The following ACOX3 variants were observed in gnomAD, a reference collection of about 807,000 sequenced individuals.
The protein encoded by ACOX3 is acyl-CoA oxidase 3, pristanoyl.
In ACOX3, 73 loss-of-function variants were observed where a neutral mutation model predicts 81.5. That is an observed-to-expected ratio of 0.90 (90% confidence interval 0.74 to 1.09). The LOEUF (loss-of-function observed/expected upper bound fraction) is 1.09, where lower values mean the gene tolerates loss of function less well. ACOX3 is among the 50% of genes least tolerant of loss of function. The pLI is 0.00. For missense variants in ACOX3, 947 were observed against 928.0 expected (o/e 1.02, Z -0.27); for synonymous variants, 387 against 375.1 (o/e 1.03, Z -0.37).
Position 8,440,672 on chromosome 4 carries a change from T to G in ACOX3, c.-39A>C, listed in dbSNP as rs760762357. The G allele has an allele frequency of 9.8e-7, 1 of 1,019,224 alleles. No individual in the cohort carries two copies. The highest frequency in any genetic ancestry group is 1.3e-6 in the Non-Finnish European group (1 of 743,122). The allele number at this position is 1,019,224 out of a possible 1,614,324, so 63.1% of individuals were successfully genotyped here. A position where few individuals can be genotyped will look rare whatever the true frequency, so the allele number is the denominator to read the frequency against. ...CCCACACACTCCACAGTTCAACCCC[T>G]GCCAGGGAAACCAAAAGCAGGAAAG... On this transcript the variant is annotated 5_prime_UTR_variant, in exon 1 of 18. Transcript: ENST00000356406.
In ACOX3 at chr4:8,387,609, A is replaced by G. The variant is rs757835850; in HGVS notation, c.1537+1564T>C. Among the ~76,000 whole-genome samples, 65 of 152,220 alleles carry G rather than the reference A, an allele frequency of 4.3e-4. 1 individual carries two copies. The highest frequency in any genetic ancestry group is 7.8e-4 in the Non-Finnish European group (53 of 68,042). ...TGTTCTCTGTGATACGCGGCTTTACAGACGGGGGCTGTGGTGGGAGGAAGG... is the reference window on the plus strand; with the variant it reads ...TGTTCTCTGTGATACGCGGCTTTACGGACGGGGGCTGTGGTGGGAGGAAGG... On this transcript the variant is annotated intron_variant, in intron 13 of 17. Coordinates refer to ENST00000356406, the MANE Select transcript of ACOX3 (RefSeq NM_003501.3).
chr4:8,398,221 T>C (rs1408143855), intron 8 of ACOX3, among the ~76,000 whole-genome samples: 3 of 152,280 alleles, frequency 2.0e-5, no homozygotes, highest in South Asian at 4.1e-4. Context: ...GTATAAAATA[T>C]GATTCCACTG....
At chr4:8,358,740 T>C in the ACOX3 span, among the ~76,000 whole-genome samples, 2 of 152,186 alleles carry the variant, frequency 1.3e-5, no homozygotes, top group African/African-American at 4.8e-5. Flanking sequence ...GCAGGTGCCA[T>C]GGCAACGTCA....
chr4:8,414,790 A>G lies in ACOX3; in HGVS notation c.453+64T>C. ...CCCCCTTCTACAATCTTCTCTTTTC[A>G]CAAATCTCTACAGAGATCAAGCAAG... On this transcript the variant is annotated intron_variant, in intron 4 of 17. Transcript: ENST00000356406. The surrounding 1 kb of genome is among the most constrained non-coding windows in gnomAD (Gnocchi z 6.1). The G allele has an allele frequency of 3.9e-6, 6 of 1,529,858 alleles. No homozygotes were observed. Among genetic ancestry groups the G allele is most frequent in the Non-Finnish European group, 5.4e-6 (6 of 1,103,826 alleles). 94.8% of individuals were successfully genotyped at this position (1,529,858 alleles called of 1,614,324 possible). A position where few individuals can be genotyped will look rare whatever the true frequency, so the allele number is the denominator to read the frequency against.
rs1285573833 is a variant in ACOX3 at position 8,394,478 on chromosome 4, C to T, written c.1179+142G>A. 49 of 1,330,850 alleles carry T rather than the reference C, an allele frequency of 3.7e-5. No individual in the cohort carries two copies. Among genetic ancestry groups the T allele is most frequent in the South Asian group, 1.2e-4 (8 of 67,980 alleles). The allele number at this position is 1,330,850 out of a possible 1,614,324, so 82.4% of individuals were successfully genotyped here. ...CAATCGCGGCAGAGGCCAAGAGCTC[C>T]GAGTGGGTGGGAACAACTGGAGGAA... On this transcript the variant is annotated intron_variant, in intron 10 of 17. Coordinates refer to ENST00000356406, the MANE Select transcript of ACOX3 (RefSeq NM_003501.3). The surrounding 1 kb of genome is among the most constrained non-coding windows in gnomAD (Gnocchi z 5.9).
At chr4:8,411,550 C>T (rs940659371) in intron 5 of ACOX3, among the ~76,000 whole-genome samples, 5 of 152,328 alleles carry the variant, frequency 3.3e-5, no homozygotes, top group East Asian at 1.9e-4. Context: ...TTCTTCAGCA[C>T]GCGGCAGTTC....
At chr4:8,393,661 G>A (rs1312605420) in intron 10 of ACOX3, among the ~76,000 whole-genome samples, 4 of 138,752 alleles carry the variant, frequency 2.9e-5, no homozygotes, top group African/African-American at 5.9e-5. Context: ...ACACACACAC[G>A]CATGCTAAGT....
chr4:8,376,751 C>T (rs1260348547), intron 14 of ACOX3, among the ~76,000 whole-genome samples: 1 of 152,194 alleles, frequency 6.6e-6, no homozygotes, highest in African/African-American at 2.4e-5. Context: ...CTGCCCTCTT[C>T]TGATCTCACA....
intron 14 of ACOX3, 150 bp from the exon 15 acceptor site, chr4:8,375,302 C>T (rs1437891899): frequency 5.3e-6 from 4 of 756,178 alleles, no homozygotes; most frequent in African/African-American, 1.8e-5. Flanking sequence ...AGCACAGATG[C>T]GGCGCAGCAC....
Position 8,389,839 on chromosome 4 carries a change from T to C in ACOX3, c.1301-105A>G. Reference sequence around the variant, plus strand: ...GCCTTAAGAGGCTGGGTGCGGTGGCTCACACCTGTAATGGCAGCACTTTGG... The same window carrying C: ...GCCTTAAGAGGCTGGGTGCGGTGGCCCACACCTGTAATGGCAGCACTTTGG... On this transcript the variant is annotated intron_variant, in intron 11 of 17. Transcript: ENST00000356406. This position sits in a 1 kb window ranked among gnomAD's most constrained non-coding sequence, Gnocchi z 5.3. 6.8e-7 allele frequency: 1 copy of C among 1,475,478 alleles called. No homozygotes were observed. The highest frequency in any genetic ancestry group is 9.2e-7 in the Non-Finnish European group (1 of 1,085,706). The allele number at this position is 1,475,478 out of a possible 1,614,324, so 91.4% of individuals were successfully genotyped here.
At chr4:8,420,623 G>A (rs185225668) in intron 1 of ACOX3, among the ~76,000 whole-genome samples, 2 of 152,322 alleles carry the variant, frequency 1.3e-5, no homozygotes, top group Non-Finnish European at 2.9e-5. Context: ...AGCCAGATCA[G>A]GCAACGCCCT....
Position 8,385,082 on chromosome 4 carries a change from G to T in ACOX3, c.1538-3475C>A, listed in dbSNP as rs141364980. Among the ~76,000 whole-genome samples, 33 of 152,180 alleles carry T rather than the reference G, an allele frequency of 2.2e-4. No individual in the cohort carries two copies. The East Asian group carries it at 6.2e-3, about 29-fold the overall frequency. On this transcript the variant is annotated intron_variant, in intron 13 of 17. Coordinates refer to ENST00000356406, the MANE Select transcript of ACOX3 (RefSeq NM_003501.3). This position sits in a 1 kb window ranked among gnomAD's most constrained non-coding sequence, Gnocchi z 5.5. ...CCCTGCCAGGTGGCATGGGGTGACC[G>T]CATTCCCTCCCCACTGTCTCGCAGA...
At chr4:8,361,272 A>G in the ACOX3 span, among the ~76,000 whole-genome samples, 1 of 151,788 alleles carries the variant, frequency 6.6e-6, no homozygotes, top group South Asian at 2.1e-4. Context: ...AAATGCAAAA[A>G]AAAATTAGCC....
chr4:8,396,915 A>T, intron 9 of ACOX3, 22 bp downstream of exon 9: 1 of 1,603,268 alleles, frequency 6.2e-7, no homozygotes, highest in Non-Finnish European at 8.5e-7. Flanking sequence ...AGACAGTGAA[A>T]GGATGCTTGA....
Position 8,419,904 on chromosome 4 carries a change from C to T in ACOX3, c.-14-3369G>A, listed in dbSNP as rs954678342. ...GAATTCCCCTCTCCATGCGCCATAA[C>T]CTCAGTACATTACCAAGTCCACAGT... On this transcript the variant is annotated intron_variant, in intron 1 of 17. Transcript: ENST00000356406. This position sits in a 1 kb window ranked among gnomAD's most constrained non-coding sequence, Gnocchi z 4.2. Among the ~76,000 whole-genome samples, 4 of 152,314 alleles carry T rather than the reference C, an allele frequency of 2.6e-5. No homozygotes were observed. Among genetic ancestry groups the T allele is most frequent in the African/African-American group, 7.2e-5 (3 of 41,568 alleles).
rs1721095291 is a variant in ACOX3, at chr4:8,407,289, T to C, written c.688-1246A>G. On this transcript the variant is annotated intron_variant, in intron 6 of 17. Transcript: ENST00000356406. This position sits in a 1 kb window ranked among gnomAD's most constrained non-coding sequence, Gnocchi z 4.6. Reference sequence around the variant, plus strand: ...AAACTAATGATTATTGATATTCATATATAATCATATCTAAGATCTATATCT... The same window carrying C: ...AAACTAATGATTATTGATATTCATACATAATCATATCTAAGATCTATATCT... 6.6e-6 allele frequency among the ~76,000 whole-genome samples: 1 copy of C among 152,256 alleles called. No individual in the cohort carries two copies. Among genetic ancestry groups the C allele is most frequent in the African/African-American group, 2.4e-5 (1 of 41,476 alleles).
intron 16 of ACOX3, among the ~76,000 whole-genome samples, chr4:8,372,396 G>A (rs115920673): frequency 0.011 from 1,673 of 152,190 alleles, 34 homozygotes; most frequent in African/African-American, 0.038. Flanking sequence ...CACCACACCC[G>A]GACACTTTTT....
Position 8,375,009 on chromosome 4 carries a change from G to C in ACOX3, c.1797C>G (p.Ser599=). 1 of 1,540,530 alleles carries C rather than the reference G, an allele frequency of 6.5e-7. No homozygotes were observed. The highest frequency in any genetic ancestry group is 8.8e-7 in the Non-Finnish European group (1 of 1,138,796). ...GRLSALYALW[S]LSRHAALLYR... is the part of the protein sequence containing the mutation. The stretch of plus-strand genomic sequence containing the variant: ...AGAGCAGGGCCGCGTGGCGGCTCAG[G>C]GACCACAGGGCGTACAGAGCACTGA... The change falls in exon 15 of 18, where the codon TCC becomes TCG. Residue 599 remains serine (S), a synonymous_variant. Coordinates refer to ENST00000356406, the MANE Select transcript of ACOX3 (RefSeq NM_003501.3).
chr4:8,389,319 G>A lies in ACOX3; in HGVS notation c.1424-33C>T. On this transcript the variant is annotated intron_variant, in intron 12 of 17. Transcript: ENST00000356406. This position sits in a 1 kb window ranked among gnomAD's most constrained non-coding sequence, Gnocchi z 5.3. ...ACACATTCCAGTGACTTTGGTGGAA[G>A]ACAGGAACCCAAACCATTGGGAACC... is the stretch of plus-strand genomic sequence containing the variant. 6.3e-7 allele frequency: 1 copy of A among 1,587,034 alleles called. No homozygotes were observed. Among genetic ancestry groups the A allele is most frequent in the Non-Finnish European group, 8.6e-7 (1 of 1,160,776 alleles).
Sources: allele counts gnomAD v4.1 joint callset (sites outside exome capture counted in the v4.1 genomes callset), GRCh38; gene constraint gnomAD v4.1.1; non-coding constraint Gnocchi (gnomAD v3.1); transcripts MANE v1.5; gene names NCBI Gene and HGNC (gene_info 2026-07-23, HGNC 2026-07-21).